NSD2: variants seen among roughly 807,000 people sequenced by gnomAD.
NSD2 encodes nuclear receptor binding SET domain protein 2.
NSD2 carries 12 observed loss-of-function variants against 139.0 expected under a neutral mutation model. The ratio of observed to expected loss-of-function variants is 0.09; its 90% CI spans 0.06 to 0.14. The LOEUF (loss-of-function observed/expected upper bound fraction) is 0.14. Among genes scored for constraint, NSD2 ranks in the 10% least tolerant of loss-of-function variants. The pLI, the probability that NSD2 is intolerant of heterozygous loss-of-function variation, is 1.00. For missense variants in NSD2, 1,155 were observed against 1,745.0 expected, an observed-to-expected ratio of 0.66 and a Z score of 6.02; for synonymous variants, 669 against 648.7, an observed-to-expected ratio of 1.03 and a Z score of -0.48.
chr4:1,895,512 C>A (rs1187411824), intron 1 of NSD2, among the ~76,000 whole-genome samples: 1 of 152,212 alleles, frequency 6.6e-6, no homozygotes, highest in African/African-American at 2.4e-5. Context: ...CTGCTATATT[C>A]AACTCAACTG....
intron 9 of NSD2, chr4:1,943,045 G>A: frequency 9.5e-6 from 10 of 1,050,660 alleles, no homozygotes; most frequent in Non-Finnish European, 1.1e-5. Context: ...CGGACCAAGG[G>A]GATACTGTAA....
chr4:1,947,884 T>G lies in NSD2; in HGVS notation c.1882-3188T>G, dbSNP rs993024069. 7.6e-6 allele frequency: 8 copies of G among 1,055,240 alleles called. No homozygotes were observed. In the African/African-American group the frequency reaches 1.3e-4, roughly 17 times the overall value. 65.4% of individuals were successfully genotyped at this position (1,055,240 alleles called of 1,614,324 possible). ...AAACTCAATGTGTATGACGCCACTC[T>G]GAAGAGTAGGTGAGCGCTTTGCAGT... On this transcript the variant is annotated intron_variant, in intron 9 of 21. Transcript: ENST00000508803.
At chr4:1,915,526 C>G (rs1044704761) in intron 3 of NSD2, among the ~76,000 whole-genome samples, 1 of 152,096 alleles carries the variant, frequency 6.6e-6, no homozygotes, top group African/African-American at 2.4e-5. Flanking sequence ...CTTCCCTTGC[C>G]TTATGTCTGT....
Position 1,959,719 on chromosome 4 carries a change from C to T in NSD2, c.3234C>T (p.Val1078=), listed in dbSNP as rs767612734. 1.1e-5 allele frequency: 18 copies of T among 1,613,842 alleles called. No individual in the cohort carries two copies. Among genetic ancestry groups the T allele is most frequent in the South Asian group, 4.4e-5 (4 of 91,066 alleles). The change falls in exon 17 of 22, where the codon GTC becomes GTT. Residue 1078 remains valine, a synonymous_variant. Coordinates refer to ENST00000508803, the MANE Select transcript of NSD2 (RefSeq NM_001042424.3). ...CAGATGGCAAAGGGTGGGGCCTGGT[C>T]GCCAAGAGGGACATCAGAAAGGTAT... The part of the protein sequence containing the change: ...IKTDGKGWGL[V]AKRDIRKGEF...
At chr4:1,916,342 T>C (rs1719393752) in intron 3 of NSD2, among the ~76,000 whole-genome samples, 1 of 152,142 alleles carries the variant, frequency 6.6e-6, no homozygotes, top group Non-Finnish European at 1.5e-5. Flanking sequence ...TTTTCTTTTT[T>C]TTCCTTTCTT....
At chr4:1,886,702 G>A (rs1304179222) in intron 1 of NSD2, among the ~76,000 whole-genome samples, 1 of 152,016 alleles carries the variant, frequency 6.6e-6, no homozygotes, top group Non-Finnish European at 1.5e-5. Context: ...GCCAGGCGTG[G>A]TGGCGTGCAC....
chr4:1,949,466 G>A (rs1358186953), intron 9 of NSD2, among the ~76,000 whole-genome samples: 1 of 152,146 alleles, frequency 6.6e-6, no homozygotes, highest in East Asian at 1.9e-4. Flanking sequence ...GAAGCCCTTG[G>A]AAAAAGCCCA....
intron 1 of NSD2, among the ~76,000 whole-genome samples, chr4:1,884,773 CT>C (rs1444621364): frequency 1.3e-5 from 2 of 152,148 alleles, no homozygotes; most frequent in Non-Finnish European, 2.9e-5. Flanking sequence ...TTATTGGGTT[CT>C]TTTCAGTTGA....
intron 12 of NSD2, among the ~76,000 whole-genome samples, chr4:1,954,004 G>GA (rs1181564955): frequency 2.7e-5 from 4 of 146,782 alleles, no homozygotes; most frequent in Non-Finnish European, 4.4e-5. Flanking sequence ...TTTTTTTGGA[G>GA]AAAAAAAATC....
chr4:1,941,755 C>A, intron 9 of NSD2: 2 of 1,048,982 alleles, frequency 1.9e-6, no homozygotes, highest in Non-Finnish European at 2.3e-6. Context: ...GATAAATCTT[C>A]CATTAGTGTT....
chr4:1,894,232 C>T lies in NSD2; in HGVS notation c.-29-6394C>T, dbSNP rs541311397. 1.4e-4 allele frequency among the ~76,000 whole-genome samples: 21 copies of T among 152,108 alleles called. No individual in the cohort carries two copies. In the East Asian group the frequency reaches 4.1e-3, roughly 30 times the overall value. On this transcript the variant is annotated intron_variant, in intron 1 of 21. Coordinates refer to ENST00000508803, the MANE Select transcript of NSD2 (RefSeq NM_001042424.3). ...TCAGCCTCCCAAAGTGGTGGGATTACAGGTGTGAGCCACCACGCCTGGTGA... is the reference window on the plus strand; with the variant it reads ...TCAGCCTCCCAAAGTGGTGGGATTATAGGTGTGAGCCACCACGCCTGGTGA...
rs759377936 is a variant in NSD2 at position 1,918,357 on chromosome 4, G to A, written c.1144G>A (p.Glu382Lys). The A allele has an allele frequency of 1.2e-6, 2 of 1,614,116 alleles. No individual in the cohort carries two copies. Among genetic ancestry groups the A allele is most frequent in the Admixed American group, 3.3e-5 (2 of 60,010 alleles). The change falls in exon 5 of 22, where the codon GAA becomes AAA. Residue 382 changes from glutamate (E) to lysine (K), a missense_variant. Around this residue, in one of 8 missense-constraint regions of NSD2, gnomAD observed 420 missense variants for 469.0 expected, o/e 0.90. Transcript: ENST00000508803. ...GGCAGAATCCTCAGGAGTCAGTGAAGAAGCTGCTGAAAACCCCAAGTCTGT... is the reference window on the plus strand; with the variant it reads ...GGCAGAATCCTCAGGAGTCAGTGAAAAAGCTGCTGAAAACCCCAAGTCTGT... ...EMAESSGVSE[E>K]AAENPKSVRE...
chr4:1,895,971 A>G (rs1716236296), intron 1 of NSD2, among the ~76,000 whole-genome samples: 1 of 152,204 alleles, frequency 6.6e-6, no homozygotes, highest in African/African-American at 2.4e-5. Flanking sequence ...GTGATGAGGA[A>G]GTCCTCTGCC....
intron 1 of NSD2, among the ~76,000 whole-genome samples, chr4:1,882,312 G>A (rs192283246): frequency 2.6e-5 from 4 of 152,146 alleles, no homozygotes; most frequent in Admixed American, 6.6e-5. Context: ...GTGCTTTATC[G>A]TGTTCCCTTT....
In NSD2 at chr4:1,981,099, C is replaced by T. The variant is rs1212485210; in HGVS notation, c.*2190C>T. ...GATATTAACTTATTTTTGTGTTGGA[C>T]AGTAGTGAAATCTTGTGATTTTTAA... is the stretch of plus-strand genomic sequence containing the variant. On this transcript the variant is annotated 3_prime_UTR_variant, in exon 22 of 22. Coordinates refer to ENST00000508803, the MANE Select transcript of NSD2 (RefSeq NM_001042424.3). The T allele has an allele frequency of 1.7e-5, 4 of 233,242 alleles. No homozygotes were observed. Among genetic ancestry groups the T allele is most frequent in the Non-Finnish European group, 2.5e-5 (3 of 118,030 alleles). The allele number at this position is 233,242 out of a possible 1,614,324, so 14.4% of individuals were successfully genotyped here. A position where few individuals can be genotyped will look rare whatever the true frequency, so the allele number is the denominator to read the frequency against.
At chr4:1,921,772 ACT>A (rs371879505) in intron 5 of NSD2, among the ~76,000 whole-genome samples, 27 of 144,466 alleles carry the variant, frequency 1.9e-4, no homozygotes, top group African/African-American at 6.8e-4. Flanking sequence ...ACACAGCAAG[ACT>A]CTGTCTCAAA....
intron 5 of NSD2, among the ~76,000 whole-genome samples, chr4:1,925,381 TTTTC>T (rs1250753962): frequency 6.8e-6 from 1 of 146,182 alleles, no homozygotes; most frequent in Non-Finnish European, 1.5e-5. Context: ...GTCATTTTCT[TTTTC>T]TTTCTTTTTT....
At chr4:1,951,931 T>G in intron 10 of NSD2, 177 bp from the exon 11 acceptor site, 1 of 975,024 alleles carries the variant, frequency 1.0e-6, no homozygotes, top group Non-Finnish European at 1.4e-6. Flanking sequence ...TTTAATCTGA[T>G]TCTGTATTTG....
chr4:1,969,219 T>G (rs1317954641), intron 18 of NSD2, among the ~76,000 whole-genome samples: 1 of 152,110 alleles, frequency 6.6e-6, no homozygotes, highest in Non-Finnish European at 1.5e-5. Flanking sequence ...AAGGATCACC[T>G]TCCAAAAGGA....
Sources: gnomAD v4.1 joint callset for allele counts (sites outside exome capture counted in the v4.1 genomes callset) on GRCh38, gnomAD v4.1.1 for gene constraint, gnomAD v4.1.1 regional missense constraint, MANE v1.5 for transcripts, NCBI Gene and HGNC (gene_info 2026-07-23, HGNC 2026-07-21) for gene names.